GPC6: variants seen among roughly 807,000 people sequenced by gnomAD.
GPC6 encodes the protein glypican-6.
GPC6 carries 14 observed loss-of-function variants against 55.2 expected under a neutral mutation model. That is an observed-to-expected ratio of 0.25 (90% CI 0.17 to 0.40). The LOEUF (loss-of-function observed/expected upper bound fraction) is 0.40, where lower values mean the gene tolerates loss of function less well. Ranked by LOEUF, GPC6 falls within the 10% of genes least tolerant of loss-of-function variation. The probability of loss-of-function intolerance (pLI) is 1.00; values close to 1 mark genes in which losing one functional copy is unlikely to be tolerated. For missense variants in GPC6, 641 were observed against 708.5 expected, an observed-to-expected ratio of 0.90 and a Z score of 1.08; for synonymous variants, 278 against 259.6, an observed-to-expected ratio of 1.07 and a Z score of -0.68.
At chr13:93,658,407 A>G (rs1252613263) in intron 2 of GPC6, among the ~76,000 whole-genome samples, 2 of 151,934 alleles carry the variant, frequency 1.3e-5, no homozygotes, top group Non-Finnish European at 2.9e-5. Context: ...TTATCAACTC[A>G]TATTAATTTT....
chr13:93,470,077 A>AT (rs894078934), intron 1 of GPC6, among the ~76,000 whole-genome samples: 29 of 152,126 alleles, frequency 1.9e-4, no homozygotes, highest in African/African-American at 6.3e-4. Context: ...TTCCTTTGCC[A>AT]TTTTTTTGGT....
chr13:93,658,803 CTG>C (rs1424943319), intron 2 of GPC6, among the ~76,000 whole-genome samples: 1 of 151,498 alleles, frequency 6.6e-6, no homozygotes. Context: ...ATTTTGGTAT[CTG>C]TGTTCATGAA....
chr13:93,841,128 C>G (rs2138997483), intron 3 of GPC6, among the ~76,000 whole-genome samples: 1 of 152,228 alleles, frequency 6.6e-6, no homozygotes, highest in African/African-American at 2.4e-5. Flanking sequence ...TTTATTGTCC[C>G]ATCTTCAGAG....
At chr13:93,899,815 A>T (rs1195842218) in intron 3 of GPC6, among the ~76,000 whole-genome samples, 1 of 152,162 alleles carries the variant, frequency 6.6e-6, no homozygotes, top group Admixed American at 6.6e-5. Context: ...AAATCATGTT[A>T]TTTATCTAGT....
intron 1 of GPC6, among the ~76,000 whole-genome samples, chr13:93,281,859 C>G (rs1455601261): frequency 1.3e-5 from 2 of 152,070 alleles, no homozygotes; most frequent in African/African-American, 2.4e-5. Context: ...CAATATGCAC[C>G]TATTCTGAAA....
At chr13:94,048,824 A>G (rs938438847) in intron 4 of GPC6, among the ~76,000 whole-genome samples, 5 of 152,032 alleles carry the variant, frequency 3.3e-5, no homozygotes, top group African/African-American at 1.2e-4. Flanking sequence ...TGTGGACCCC[A>G]TGGCCCTAAC....
intron 4 of GPC6, among the ~76,000 whole-genome samples, chr13:94,112,236 C>T (rs766595183): frequency 9.6e-4 from 146 of 152,224 alleles, no homozygotes; most frequent in Middle Eastern, 3.4e-3. Flanking sequence ...TAAGTTTCTA[C>T]TCAAAATGTA....
At chr13:93,949,773 G>A (rs1404955422) in intron 3 of GPC6, among the ~76,000 whole-genome samples, 1 of 152,038 alleles carries the variant, frequency 6.6e-6, no homozygotes, top group Non-Finnish European at 1.5e-5. Flanking sequence ...TGTCAACCAG[G>A]CTGGAGAGCA....
At chr13:94,101,906 G>T (rs1465375036) in intron 4 of GPC6, among the ~76,000 whole-genome samples, 1 of 151,878 alleles carries the variant, frequency 6.6e-6, no homozygotes, top group African/African-American at 2.4e-5. Flanking sequence ...GCAAAACACT[G>T]TGAGTTGTTT....
At chr13:93,385,864 C>T (rs867234927) in intron 1 of GPC6, among the ~76,000 whole-genome samples, 3 of 151,824 alleles carry the variant, frequency 2.0e-5, no homozygotes, top group African/African-American at 4.8e-5. Context: ...TTGTTCAATT[C>T]GTATGATTCG....
chr13:93,496,982 C>A (rs1880325547), intron 1 of GPC6, among the ~76,000 whole-genome samples: 1 of 152,054 alleles, frequency 6.6e-6, no homozygotes, highest in African/African-American at 2.4e-5. Flanking sequence ...TTATGAACAC[C>A]AACCCAAGTT....
At position 93,544,924 on chromosome 13, in the gene GPC6, C is replaced by T. The variant is rs1471423847; in HGVS notation, c.161-339C>T. ...CTTGAGGTTTCCCGAGAAAAGCATA[C>T]ATAGCTGTATTACATCTTGTGTTGT... On this transcript the variant is annotated intron_variant, in intron 1 of 8. Coordinates refer to ENST00000377047, the MANE Select transcript of GPC6 (RefSeq NM_005708.5). Among the ~76,000 whole-genome samples the T allele has an allele frequency of 3.3e-5, 5 of 152,244 alleles. No homozygotes were observed. In the East Asian group the frequency reaches 7.7e-4, roughly 24 times the overall value.
intron 2 of GPC6, among the ~76,000 whole-genome samples, chr13:93,742,645 C>T (rs1884249104): frequency 1.3e-5 from 2 of 152,116 alleles, no homozygotes; most frequent in African/African-American, 2.4e-5. Flanking sequence ...CATGTCATGC[C>T]TCTGGGTGCT....
intron 2 of GPC6, among the ~76,000 whole-genome samples, chr13:93,668,707 A>C (rs2139623267): frequency 6.6e-6 from 1 of 152,236 alleles, no homozygotes; most frequent in Non-Finnish European, 1.5e-5. Context: ...GCACAGAAAG[A>C]TCCTTCCCTA....
At chr13:94,254,975 G>A (rs1319645949) in intron 4 of GPC6, among the ~76,000 whole-genome samples, 1 of 152,128 alleles carries the variant, frequency 6.6e-6, no homozygotes, top group East Asian at 1.9e-4. Flanking sequence ...TTGAAACAAA[G>A]AGATGTTATC....
At chr13:94,146,752 T>C (rs17791726) in intron 4 of GPC6, among the ~76,000 whole-genome samples, 5,693 of 152,242 alleles carry the variant, frequency 0.037, 142 homozygotes, top group Non-Finnish European at 0.057. Context: ...TCAAAAGTGA[T>C]ACCAAAAGGC....
chr13:93,271,177 G>A (rs1877511001), intron 1 of GPC6, among the ~76,000 whole-genome samples: 1 of 152,104 alleles, frequency 6.6e-6, no homozygotes, highest in African/African-American at 2.4e-5. Context: ...TATTCTAACA[G>A]AAATGTCTCT....
At chr13:94,026,869 A>G (rs1316759149) in intron 3 of GPC6, among the ~76,000 whole-genome samples, 1 of 152,142 alleles carries the variant, frequency 6.6e-6, no homozygotes, top group African/African-American at 2.4e-5. Flanking sequence ...GAACTCCCTC[A>G]CTATCACAAG....
intron 2 of GPC6, among the ~76,000 whole-genome samples, chr13:93,783,785 C>G (rs1337148957): frequency 6.6e-6 from 1 of 152,204 alleles, no homozygotes; most frequent in Non-Finnish European, 1.5e-5. Context: ...TCCCAACCTA[C>G]TGAACATATT....
Sources: gnomAD v4.1 joint callset for allele counts (sites outside exome capture counted in the v4.1 genomes callset) on GRCh38, gnomAD v4.1.1 for gene constraint, MANE v1.5 for transcripts, NCBI Gene and HGNC (gene_info 2026-07-23, HGNC 2026-07-21) for gene names.